Variants in IRAG2 observed in about 807,000 individuals in gnomAD.
IRAG2 encodes inositol 1,4,5-triphosphate receptor associated 2, also known as lymphoid restricted membrane protein.
Under a neutral mutation model 69.9 loss-of-function variants are expected in IRAG2, and 45 were observed. The observed-to-expected ratio is 0.64, with a 90% confidence interval of 0.51 to 0.83. The LOEUF is 0.83. IRAG2 is among the 40% of genes least tolerant of loss of function. The probability of loss-of-function intolerance (pLI) is 0.00; values close to 1 mark genes in which losing one functional copy is unlikely to be tolerated. For synonymous variants in IRAG2, 193 were observed against 202.4 expected (o/e 0.95, Z 0.40); for missense variants, 520 against 587.0 (o/e 0.89, Z 1.18).
chr12:25,035,775 G>A, exon 14 of IRAG2: 1 of 398,990 alleles, frequency 2.5e-6, no homozygotes, highest in Non-Finnish European at 4.4e-6. Context: ...TCACAGCCAC[G>A]CTTCAGAAGC....
At chr12:25,101,977 T>C (rs1383830119) in intron 16 of IRAG2, 1 of 676,636 alleles carries the variant, frequency 1.5e-6, no homozygotes, top group Non-Finnish European at 2.7e-6. Flanking sequence ...TAGCTAGGCA[T>C]TATGGACATC....
chr12:25,015,158 T>G, intron 3 of IRAG2: 2 of 858,306 alleles, frequency 2.3e-6, no homozygotes, highest in Non-Finnish European at 2.9e-6. Context: ...TGGTTTTGTT[T>G]TTTTTTTTTT....
At chr12:25,052,201 G>A, upstream of IRAG2, 1 of 341,062 alleles carries the variant, frequency 2.9e-6, no homozygotes, top group East Asian at 4.0e-5. Flanking sequence ...CTTGCGGTTT[G>A]GACTTTTTTT....
chr12:25,031,066 C>T (rs1198690394), intron 10 of IRAG2: 8 of 985,130 alleles, frequency 8.1e-6, no homozygotes, highest in Non-Finnish European at 9.6e-6. Context: ...GGAACACAGC[C>T]TCAGTCAATA....
intron 16 of IRAG2, among the ~76,000 whole-genome samples, chr12:25,039,494 G>A (rs1944729837): frequency 6.6e-6 from 1 of 152,190 alleles, no homozygotes; most frequent in Non-Finnish European, 1.5e-5. Context: ...GCAGTGGCGT[G>A]ATCTCTGCTC....
intron 20 of IRAG2, among the ~76,000 whole-genome samples, chr12:25,105,353 G>A (rs1949003457): frequency 6.6e-6 from 1 of 152,166 alleles, no homozygotes; most frequent in African/African-American, 2.4e-5. Flanking sequence ...TGGGATTACA[G>A]GCTTGAGCCA....
chr12:25,005,169 A>C (rs1276616939), intron 1 of IRAG2: 1 of 165,412 alleles, frequency 6.0e-6, no homozygotes, highest in Non-Finnish European at 1.0e-5. Context: ...TTGTTAAACC[A>C]AAAAAAAAAA....
At chr12:25,005,335 A>C (rs1046060351) in exon 2 of IRAG2, 1 of 1,224,054 alleles carries the variant, frequency 8.2e-7, no homozygotes, top group Non-Finnish European at 1.0e-6. Context: ...TTTTTAATGC[A>C]TGTGACATCA....
chr12:25,100,398 C>A (rs1342575230), intron 15 of IRAG2, among the ~76,000 whole-genome samples: 1 of 152,056 alleles, frequency 6.6e-6, no homozygotes, highest in Non-Finnish European at 1.5e-5. Context: ...TAGATGTATA[C>A]CCAGAAGAAT....
intron 5 of IRAG2, among the ~76,000 whole-genome samples, chr12:25,069,128 G>C (rs935441100): frequency 6.6e-6 from 1 of 152,128 alleles, no homozygotes; most frequent in Admixed American, 6.5e-5. Context: ...AATTGCAAAT[G>C]CTTCATTTTC....
intron 15 of IRAG2, among the ~76,000 whole-genome samples, chr12:25,097,903 A>T (rs1431536823): frequency 1.3e-5 from 2 of 152,238 alleles, no homozygotes; most frequent in Non-Finnish European, 1.5e-5. Context: ...TTTCAATAAC[A>T]TGCTCATGCT....
intron 3 of IRAG2, among the ~76,000 whole-genome samples, chr12:25,011,837 G>C (rs973163744): frequency 3.9e-5 from 6 of 152,172 alleles, no homozygotes; most frequent in Non-Finnish European, 8.8e-5. Context: ...TTCATTTCTT[G>C]TGATTAGTGG....
At chr12:25,076,301 T>C (rs1946686456) in intron 6 of IRAG2, 2 of 631,124 alleles carry the variant, frequency 3.2e-6, no homozygotes, top group South Asian at 1.4e-4. Context: ...CATAGGCAAT[T>C]TCTCCAAAAT....
intron 4 of IRAG2, among the ~76,000 whole-genome samples, chr12:25,065,135 CACAGTTCT>C (rs200590618): frequency 0.011 from 1,688 of 151,750 alleles, 108 homozygotes; most frequent in Admixed American, 0.095. Context: ...ATGTGCCAGA[CACAGTTCT>C]ATGCTCTTAA....
At chr12:25,107,186 T>C (rs1377965608) in intron 21 of IRAG2, 136 bp downstream of exon 21, 2 of 435,672 alleles carry the variant, frequency 4.6e-6, no homozygotes, top group African/African-American at 4.1e-5. Flanking sequence ...ACAAACTTTG[T>C]ATGTCAGGTT....
At position 25,004,545 on chromosome 12, in the gene IRAG2, T is replaced by C. The variant is rs578258203; in HGVS notation, c.204T>C (p.Cys68=). Residue 68 remains cysteine (C), a synonymous_variant, in exon 1 of 39, where the codon TGT becomes TGC. Coordinates refer to the IRAG2 transcript ENST00000636465. ...TACTGAGGAAAATGACTGCTGCTTGTGTTCCTACGCCCGGCTCTCATTGGT... is the reference window on the plus strand; with the variant it reads ...TACTGAGGAAAATGACTGCTGCTTGCGTTCCTACGCCCGGCTCTCATTGGT... The C allele has an allele frequency of 7.8e-5, 96 of 1,232,140 alleles. No individual in the cohort carries two copies. In the African/African-American group the frequency reaches 1.3e-3, roughly 17 times the overall value. The allele number at this position is 1,232,140 out of a possible 1,614,324, so 76.3% of individuals were successfully genotyped here.
chr12:25,015,696 T>C (rs1223813814), intron 5 of IRAG2, among the ~76,000 whole-genome samples: 6 of 152,250 alleles, frequency 3.9e-5, no homozygotes, highest in Admixed American at 1.3e-4. Context: ...CTGTGCTTTC[T>C]GTAGGGAAAA....
upstream of IRAG2, among the ~76,000 whole-genome samples, chr12:25,003,924 G>A (rs1339451254): frequency 6.6e-6 from 1 of 152,184 alleles, no homozygotes; most frequent in Non-Finnish European, 1.5e-5. Context: ...AAGCAATGTG[G>A]TTATCTAGCC....
chr12:25,017,087 G>A, intron 5 of IRAG2: 1 of 1,218,512 alleles, frequency 8.2e-7, no homozygotes, highest in Non-Finnish European at 1.0e-6. Flanking sequence ...TTTATTAGAA[G>A]GAATTAGTGA....
Sources: gnomAD v4.1 joint callset for allele counts (sites outside exome capture counted in the v4.1 genomes callset) on GRCh38, gnomAD v4.1.1 for gene constraint, MANE v1.5 for transcripts, NCBI Gene and HGNC (gene_info 2026-07-23, HGNC 2026-07-21) for gene names.